NRXN1: variants seen among roughly 807,000 people sequenced by gnomAD.
The protein encoded by NRXN1 is neurexin 1, also known as neurexin-1.
In NRXN1, 39 loss-of-function variants were observed where a neutral mutation model predicts 150.9. The ratio of observed to expected loss-of-function variants is 0.26; its 90% confidence interval spans 0.20 to 0.34. NRXN1 has a LOEUF of 0.34. Among genes scored for constraint, NRXN1 ranks in the 10% least tolerant of loss-of-function variants. The probability of loss-of-function intolerance (pLI) is 1.00; values close to 1 mark genes in which losing one functional copy is unlikely to be tolerated. For synonymous variants in NRXN1, 924 were observed against 757.0 expected, an observed-to-expected ratio of 1.22 and a Z score of -3.62; for missense variants, 1,815 against 1,949.9, an observed-to-expected ratio of 0.93 and a Z score of 1.30.
At chr2:50,756,653 G>C (rs1449599281) in intron 5 of NRXN1, among the ~76,000 whole-genome samples, 2 of 151,872 alleles carry the variant, frequency 1.3e-5, no homozygotes, top group Non-Finnish European at 1.5e-5. Flanking sequence ...AATAGTAAAA[G>C]AGTAAGTATA....
At chr2:50,369,284 T>G (rs1044817686) in intron 17 of NRXN1, among the ~76,000 whole-genome samples, 2 of 152,036 alleles carry the variant, frequency 1.3e-5, no homozygotes, top group African/African-American at 4.8e-5. Flanking sequence ...TTACTTAATG[T>G]GTATTATATA....
intron 21 of NRXN1, among the ~76,000 whole-genome samples, chr2:49,998,848 T>A (rs972767411): frequency 6.6e-6 from 1 of 152,084 alleles, no homozygotes; most frequent in Non-Finnish European, 1.5e-5. Flanking sequence ...TTTTTCTCTG[T>A]CTTTTCTCAC....
chr2:50,486,946 T>C (rs893254799), intron 15 of NRXN1, among the ~76,000 whole-genome samples: 1 of 152,118 alleles, frequency 6.6e-6, no homozygotes, highest in Non-Finnish European at 1.5e-5. Flanking sequence ...TGAGATACCA[T>C]GTGCAAATCT....
chr2:50,829,651 G>A (rs1385027085), intron 5 of NRXN1: 9 of 1,611,668 alleles, frequency 5.6e-6, no homozygotes, highest in South Asian at 1.1e-5. Flanking sequence ...AGGTTGGTAC[G>A]GGACGGCATC....
chr2:50,571,607 TC>T (rs1670672184), intron 8 of NRXN1, among the ~76,000 whole-genome samples: 1 of 151,700 alleles, frequency 6.6e-6, no homozygotes, highest in Non-Finnish European at 1.5e-5. Context: ...CATAGTGAGA[TC>T]ATAAAATGAG....
intron 2 of NRXN1, among the ~76,000 whole-genome samples, chr2:50,945,321 T>A (rs1012545980): frequency 6.6e-6 from 1 of 152,034 alleles, no homozygotes; most frequent in Non-Finnish European, 1.5e-5. Flanking sequence ...AAAAATTAGC[T>A]GGTGTGCTGG....
intron 18 of NRXN1, among the ~76,000 whole-genome samples, chr2:50,120,456 T>G (rs1703704034): frequency 6.6e-6 from 1 of 152,158 alleles, no homozygotes; most frequent in South Asian, 2.1e-4. Flanking sequence ...TAGTTTATTT[T>G]TAGGGATAAA....
intron 2 of NRXN1, among the ~76,000 whole-genome samples, chr2:50,945,909 C>G: frequency 6.8e-6 from 1 of 147,392 alleles, no homozygotes; most frequent in South Asian, 2.2e-4. Context: ...TACACACACA[C>G]ACACACACAC....
intron 5 of NRXN1, among the ~76,000 whole-genome samples, chr2:50,697,465 G>T (rs113582709): frequency 6.6e-5 from 10 of 152,142 alleles, no homozygotes; most frequent in African/African-American, 2.4e-4. Context: ...ATAGAGAAAT[G>T]GATTTTAATC....
chr2:50,255,114 C>T (rs1400792865), intron 17 of NRXN1, among the ~76,000 whole-genome samples: 1 of 151,954 alleles, frequency 6.6e-6, no homozygotes, highest in East Asian at 1.9e-4. Context: ...GGCTTATCCA[C>T]ATATGTTTAT....
intron 5 of NRXN1, among the ~76,000 whole-genome samples, chr2:50,643,441 C>T (rs1386547265): frequency 6.6e-6 from 1 of 151,868 alleles, no homozygotes; most frequent in South Asian, 2.1e-4. Flanking sequence ...AAATCAGTTC[C>T]ATCAGACTTT....
At chr2:50,099,732 A>G (rs1700750522) in intron 18 of NRXN1, among the ~76,000 whole-genome samples, 1 of 152,178 alleles carries the variant, frequency 6.6e-6, no homozygotes, top group African/African-American at 2.4e-5. Context: ...AATGATTACA[A>G]CTTGTGAAGC....
intron 5 of NRXN1, among the ~76,000 whole-genome samples, chr2:50,732,887 T>A (rs1410520681): frequency 2.0e-5 from 3 of 152,190 alleles, no homozygotes; most frequent in Non-Finnish European, 4.4e-5. Context: ...GAAAGTTTGA[T>A]CTTAGTAGAC....
intron 18 of NRXN1, among the ~76,000 whole-genome samples, chr2:50,161,449 G>T (rs2059359658): frequency 6.6e-6 from 1 of 152,010 alleles, no homozygotes; most frequent in African/African-American, 2.4e-5. Context: ...GGTTAAAAAT[G>T]TTGAGGATGT....
rs149214736 is a variant in NRXN1, at chr2:50,545,001, G to T, written c.1760-6365C>A. ...CTATAATCTTGACTATAGAAAAAAG[G>T]CTGTATAAGTATTTTATGTGTGTGA... is the stretch of plus-strand genomic sequence containing the variant. On this transcript the variant is annotated intron_variant, in intron 9 of 22. Coordinates refer to ENST00000401669, the MANE Select transcript of NRXN1 (RefSeq NM_001330078.2). Among the ~76,000 whole-genome samples, 29 of 152,098 alleles carry T rather than the reference G, an allele frequency of 1.9e-4. 1 individual carries two copies. The highest frequency in any genetic ancestry group is 3.5e-4 in the Non-Finnish European group (24 of 68,002).
At chr2:49,997,823 G>A (rs962948739) in intron 21 of NRXN1, among the ~76,000 whole-genome samples, 1 of 152,110 alleles carries the variant, frequency 6.6e-6, no homozygotes, top group Non-Finnish European at 1.5e-5. Context: ...GTCACTCTCT[G>A]CCTGGGAATC....
chr2:50,095,938 C>G (rs1266272467), intron 18 of NRXN1, among the ~76,000 whole-genome samples: 1 of 102,858 alleles, frequency 9.7e-6, no homozygotes, highest in African/African-American at 3.7e-5. Flanking sequence ...CCTCCCCCCT[C>G]CCCCCACCCC....
intron 5 of NRXN1, among the ~76,000 whole-genome samples, chr2:50,650,560 T>A (rs1301117490): frequency 6.6e-6 from 1 of 152,016 alleles, no homozygotes; most frequent in Non-Finnish European, 1.5e-5. Context: ...GCTTTTTTAT[T>A]CCAGAGGTCA....
intron 21 of NRXN1, among the ~76,000 whole-genome samples, chr2:49,977,610 A>T (rs912854816): frequency 1.3e-5 from 2 of 152,194 alleles, no homozygotes; most frequent in African/African-American, 4.8e-5. Context: ...TCCAATTTTA[A>T]TAAGTTACAG....
Sources: allele counts gnomAD v4.1 joint callset (sites outside exome capture counted in the v4.1 genomes callset), GRCh38; gene constraint gnomAD v4.1.1; transcripts MANE v1.5; gene names NCBI Gene and HGNC (gene_info 2026-07-23, HGNC 2026-07-21).